The following PHACTR2 variants were observed in gnomAD, a reference collection of about 807,000 sequenced individuals.
PHACTR2 encodes the protein phosphatase and actin regulator 2.
In PHACTR2, 30 loss-of-function variants were observed where a neutral mutation model predicts 76.0. That is an observed-to-expected ratio of 0.39 (90% CI 0.30 to 0.54). The LOEUF (loss-of-function observed/expected upper bound fraction) is 0.54. Among genes scored for constraint, PHACTR2 ranks in the 20% least tolerant of loss-of-function variants. PHACTR2 has a pLI of 0.61. For missense variants in PHACTR2, 696 were observed against 781.1 expected, an observed-to-expected ratio of 0.89 and a Z score of 1.30; for synonymous variants, 292 against 292.5, an observed-to-expected ratio of 1.00 and a Z score of 0.02.
At chr6:143,719,810 A>G (rs1778398022) in intron 2 of PHACTR2, among the ~76,000 whole-genome samples, 1 of 99,526 alleles carries the variant, frequency 1.0e-5, no homozygotes, top group African/African-American at 4.7e-5. Context: ...TTTGTGTTCG[A>G]CACTTTTTTT....
Position 143,764,906 on chromosome 6 carries a change from T to C in PHACTR2, c.695-355T>C, listed in dbSNP as rs1180809729. 6.6e-6 allele frequency among the ~76,000 whole-genome samples: 1 copy of C among 152,236 alleles called. No individual in the cohort carries two copies. The highest frequency in any genetic ancestry group is 1.9e-4 in the East Asian group (1 of 5,200). On this transcript the variant is annotated intron_variant, in intron 5 of 12. Transcript: ENST00000440869. This position sits in a 1 kb window ranked among gnomAD's most constrained non-coding sequence, Gnocchi z 4.7. ...CAGCTAGCTGCTGATGTCTGTCCTT[T>C]ACGCACCATAACATTCCTTCTTGAG...
chr6:143,568,922 C>T (rs909000993), intron 1 of PHACTR2, among the ~76,000 whole-genome samples: 7 of 152,162 alleles, frequency 4.6e-5, no homozygotes, highest in East Asian at 1.9e-4. Flanking sequence ...AGGCACATTT[C>T]GGATTTGACT....
At position 143,637,255 on chromosome 6, in the gene PHACTR2, T is replaced by A. The variant is rs1265498289; in HGVS notation, c.13+28933T>A. The stretch of plus-strand genomic sequence containing the variant: ...ATGAGCCACTCAATATCCTTCCAAA[T>A]AATTTTTTTTCTAAGTTAACCATTC... On this transcript the variant is annotated intron_variant, in intron 1 of 11. Transcript: ENST00000305766. 2.0e-5 allele frequency among the ~76,000 whole-genome samples: 3 copies of A among 152,128 alleles called. No homozygotes were observed. In the East Asian group the frequency reaches 5.8e-4, roughly 29 times the overall value.
At chr6:143,555,115 C>G (rs1775153954) in intron 1 of PHACTR2, 2 of 152,084 alleles carry the variant, frequency 1.3e-5, no homozygotes, top group African/African-American at 2.4e-5. Context: ...TTGAAATGCC[C>G]TTCAATAAAA....
chr6:143,691,486 C>T (rs1344969910), intron 1 of PHACTR2, among the ~76,000 whole-genome samples: 1 of 144,832 alleles, frequency 6.9e-6, no homozygotes, highest in Non-Finnish European at 1.5e-5. Context: ...AATATTATTG[C>T]CAGAAACCTG....
chr6:143,562,319 G>A lies in PHACTR2; in HGVS notation c.217+25112G>A, dbSNP rs1775292478. Reference sequence around the variant, plus strand: ...TCTGCTTGGCCTCCCCAGGCCTCAGGAAGTTTACAATGAGGCTGGAAAGCA... The same window carrying A: ...TCTGCTTGGCCTCCCCAGGCCTCAGAAAGTTTACAATGAGGCTGGAAAGCA... On this transcript the variant is annotated intron_variant, in intron 1 of 11. Coordinates refer to the PHACTR2 transcript ENST00000367584. This position sits in a 1 kb window ranked among gnomAD's most constrained non-coding sequence, Gnocchi z 5.1. 1.3e-5 allele frequency among the ~76,000 whole-genome samples: 2 copies of A among 152,292 alleles called. No individual in the cohort carries two copies. The highest frequency in any genetic ancestry group is 4.1e-4 in the South Asian group (2 of 4,826).
At chr6:143,582,130 G>A (rs1775583807) in intron 1 of PHACTR2, among the ~76,000 whole-genome samples, 1 of 152,182 alleles carries the variant, frequency 6.6e-6, no homozygotes, top group Admixed American at 6.5e-5. Context: ...GTTTAGGTCT[G>A]TAAATGCCAA....
rs904705951 is a variant in PHACTR2, at chr6:143,708,478, T to G, written c.47-3538T>G. On this transcript the variant is annotated intron_variant, in intron 1 of 12. Transcript: ENST00000440869. This position sits in a 1 kb window ranked among gnomAD's most constrained non-coding sequence, Gnocchi z 5.5. ...TTAATGCTGAAAACAATCAGGAAAT[T>G]TTACCTTTCATCTGGGATTTACCTG... 1.3e-5 allele frequency among the ~76,000 whole-genome samples: 2 copies of G among 152,214 alleles called. No homozygotes were observed. The highest frequency in any genetic ancestry group is 2.9e-5 in the Non-Finnish European group (2 of 68,036).
rs905616829 is a variant in PHACTR2 at position 143,730,281 on chromosome 6, C to G, written c.214+18098C>G. Among the ~76,000 whole-genome samples, 4 of 152,112 alleles carry G rather than the reference C, an allele frequency of 2.6e-5. No individual in the cohort carries two copies. The highest frequency in any genetic ancestry group is 9.7e-5 in the African/African-American group (4 of 41,420). ...GCTGCAGTTTGGGTAGAACTGATAC[C>G]TATACCATATTGAACTTTCTAATTT... On this transcript the variant is annotated intron_variant, in intron 2 of 12. Transcript: ENST00000440869. The surrounding 1 kb of genome is among the most constrained non-coding windows in gnomAD (Gnocchi z 4.8).
chr6:143,635,228 T>C (rs1776429614), intron 1 of PHACTR2, among the ~76,000 whole-genome samples: 1 of 152,210 alleles, frequency 6.6e-6, no homozygotes, highest in African/African-American at 2.4e-5. Context: ...TCTATCCATA[T>C]TGATATACAT....
rs911241173 is a variant in PHACTR2, at chr6:143,592,568, C to G, written c.217+55361C>G. 6.6e-6 allele frequency among the ~76,000 whole-genome samples: 1 copy of G among 152,176 alleles called. No homozygotes were observed. Among genetic ancestry groups the G allele is most frequent in the Admixed American group, 6.5e-5 (1 of 15,270 alleles). On this transcript the variant is annotated intron_variant, in intron 1 of 11. Transcript: ENST00000367584. This position sits in a 1 kb window ranked among gnomAD's most constrained non-coding sequence, Gnocchi z 4.0. Reference sequence around the variant, plus strand: ...CATTCCCTTGATTTGGTCACTCATCCTCTTTCCGGTCGTTTGTTTATGCTC... The same window carrying G: ...CATTCCCTTGATTTGGTCACTCATCGTCTTTCCGGTCGTTTGTTTATGCTC...
chr6:143,819,132 T>TA lies in PHACTR2; in HGVS notation c.1923-4541dup, dbSNP rs1330316187. Among the ~76,000 whole-genome samples, 2 of 152,202 alleles carry TA rather than the reference T, an allele frequency of 1.3e-5. No homozygotes were observed. Among genetic ancestry groups the TA allele is most frequent in the Non-Finnish European group, 2.9e-5 (2 of 68,034 alleles). On this transcript the variant is annotated intron_variant, in intron 12 of 12. Coordinates refer to ENST00000440869, the MANE Select transcript of PHACTR2 (RefSeq NM_001100164.2). This position sits in a 1 kb window ranked among gnomAD's most constrained non-coding sequence, Gnocchi z 5.0. ...AAATAACTTCCTAGATACCCCTGTG[T>TA]ATATGTGTTCAGTGACTTATGCATT...
rs1186510510 is a variant in PHACTR2, at chr6:143,549,698, T to C, written c.217+12491T>C. ...ACCTCCCCTTCCTGAGCTGCCTGGCTGCCACTCCTCCCTTCTTCTGCACAC... is the reference window on the plus strand; with the variant it reads ...ACCTCCCCTTCCTGAGCTGCCTGGCCGCCACTCCTCCCTTCTTCTGCACAC... On this transcript the variant is annotated intron_variant, in intron 1 of 11. Transcript: ENST00000367584. The surrounding 1 kb of genome is among the most constrained non-coding windows in gnomAD (Gnocchi z 4.2). 6.6e-6 allele frequency among the ~76,000 whole-genome samples: 1 copy of C among 152,058 alleles called. No individual in the cohort carries two copies. The highest frequency in any genetic ancestry group is 1.9e-4 in the East Asian group (1 of 5,198).
rs147535811 is a variant in PHACTR2 at position 143,738,036 on chromosome 6, G to A, written c.215-10949G>A. On this transcript the variant is annotated intron_variant, in intron 2 of 12. Coordinates refer to ENST00000440869, the MANE Select transcript of PHACTR2 (RefSeq NM_001100164.2). This position sits in a 1 kb window ranked among gnomAD's most constrained non-coding sequence, Gnocchi z 4.0. ...TCAAATCTTCTTACAACTTAGACTG[G>A]TTATCCCCACCTACCTGAGTTGGTG... 5.1e-3 allele frequency among the ~76,000 whole-genome samples: 777 copies of A among 152,284 alleles called. 9 individuals carry two copies. The highest frequency in any genetic ancestry group is 0.017 in the African/African-American group (720 of 41,554).
intron 2 of PHACTR2, among the ~76,000 whole-genome samples, chr6:143,734,294 A>G (rs1443344387): frequency 6.6e-6 from 1 of 151,780 alleles, no homozygotes. Context: ...CCTACCTCTT[A>G]CAGATCGATA....
chr6:143,777,103 G>A lies in PHACTR2; in HGVS notation c.1590-225G>A, dbSNP rs1024793241. ...CAGGTACCTAGCTAACATCCAGGCC[G>A]CTCTGTTGCTAAAAGGAAAGGAGAC... is the stretch of plus-strand genomic sequence containing the variant. On this transcript the variant is annotated intron_variant, in intron 8 of 12. Transcript: ENST00000440869. This position sits in a 1 kb window ranked among gnomAD's most constrained non-coding sequence, Gnocchi z 4.6. Among the ~76,000 whole-genome samples, 8 of 152,070 alleles carry A rather than the reference G, an allele frequency of 5.3e-5. No homozygotes were observed. The highest frequency in any genetic ancestry group is 1.3e-4 in the Admixed American group (2 of 15,264).
At chr6:143,606,956 G>T (rs1164395935), upstream of PHACTR2, among the ~76,000 whole-genome samples, 1 of 152,072 alleles carries the variant, frequency 6.6e-6, no homozygotes, top group Non-Finnish European at 1.5e-5. Flanking sequence ...AAAGTGTTTT[G>T]TTTAAACAAT....
chr6:143,692,422 T>C (rs565329642), intron 1 of PHACTR2, among the ~76,000 whole-genome samples: 205 of 152,342 alleles, frequency 1.3e-3, no homozygotes, highest in African/African-American at 4.6e-3. Flanking sequence ...CTGACTGCGC[T>C]GTTTCATTTT....
At chr6:143,726,263 CATT>C (rs1180117419) in intron 2 of PHACTR2, among the ~76,000 whole-genome samples, 8 of 152,158 alleles carry the variant, frequency 5.3e-5, no homozygotes, top group Non-Finnish European at 1.2e-4. Context: ...TTGGTATTGT[CATT>C]ATTTTTTGTT....
Sources: gnomAD v4.1 joint callset for allele counts (sites outside exome capture counted in the v4.1 genomes callset) on GRCh38, gnomAD v4.1.1 for gene constraint, Gnocchi (gnomAD v3.1) non-coding constraint, MANE v1.5 for transcripts, NCBI Gene and HGNC (gene_info 2026-07-23, HGNC 2026-07-21) for gene names.